Variants in SYTL3 observed in about 807,000 individuals in gnomAD.
SYTL3 encodes synaptotagmin like 3, also known as synaptotagmin-like protein 3.
SYTL3 carries 88 observed loss-of-function variants against 82.1 expected under a neutral mutation model. The observed-to-expected ratio is 1.07, with a 90% CI of 0.90 to 1.28. The LOEUF is 1.28. Ranked by LOEUF, SYTL3 falls within the 50% of genes most tolerant of loss-of-function variation. The probability of loss-of-function intolerance (pLI) is 0.00; values close to 1 mark genes in which losing one functional copy is unlikely to be tolerated. For missense variants in SYTL3, 831 were observed against 757.6 expected (o/e 1.10, Z -1.14); for synonymous variants, 311 against 289.4 (o/e 1.07, Z -0.76).
At chr6:158,645,679 A>G (rs1290106565), upstream of SYTL3, among the ~76,000 whole-genome samples, 1 of 152,118 alleles carries the variant, frequency 6.6e-6, no homozygotes, top group Non-Finnish European at 1.5e-5. Context: ...TCTCATCTGG[A>G]TTATGACCAT....
At chr6:158,684,518 G>C (rs994511372) in intron 6 of SYTL3, among the ~76,000 whole-genome samples, 4 of 152,190 alleles carry the variant, frequency 2.6e-5, no homozygotes, top group African/African-American at 9.6e-5. Flanking sequence ...GGCAGGTGCT[G>C]TGGGAACCAC....
At chr6:158,688,578 C>CAT (rs1336354087) in intron 6 of SYTL3, among the ~76,000 whole-genome samples, 3 of 151,990 alleles carry the variant, frequency 2.0e-5, no homozygotes, top group Admixed American at 2.0e-4. Flanking sequence ...GCCTGGGCAG[C>CAT]ATAGTGAGAT....
upstream of SYTL3, among the ~76,000 whole-genome samples, chr6:158,645,964 A>G (rs925975930): frequency 2.0e-5 from 3 of 152,144 alleles, no homozygotes; most frequent in Admixed American, 2.0e-4. Context: ...CATTTTCCTC[A>G]TAGCACTTCT....
chr6:158,708,392 G>T lies in SYTL3; in HGVS notation c.516+1G>T, dbSNP rs766689145. On this transcript the variant is annotated splice_donor_variant, in intron 8 of 17. Coordinates refer to ENST00000611299, the MANE Select transcript of SYTL3 (RefSeq NM_001242394.2). LOFTEE classifies it high-confidence loss of function. ...CCAGTGCAGCCGCAGTCCTGGCAGGGTAACGTATCCATTCTGGGCACTTCT... is the reference window on the plus strand; with the variant it reads ...CCAGTGCAGCCGCAGTCCTGGCAGGTTAACGTATCCATTCTGGGCACTTCT... 8.1e-6 allele frequency: 13 copies of T among 1,613,792 alleles called. No individual in the cohort carries two copies. Among genetic ancestry groups the T allele is most frequent in the Admixed American group, 6.7e-5 (4 of 59,986 alleles).
At chr6:158,701,671 G>A (rs1041345857) in intron 6 of SYTL3, among the ~76,000 whole-genome samples, 1 of 151,788 alleles carries the variant, frequency 6.6e-6, no homozygotes, top group African/African-American at 2.4e-5. Flanking sequence ...GGAGAGGCAG[G>A]TAGTCACTCA....
At chr6:158,744,496 T>A (rs1444441910) in intron 11 of SYTL3, among the ~76,000 whole-genome samples, 1 of 151,490 alleles carries the variant, frequency 6.6e-6, no homozygotes, top group East Asian at 1.9e-4. Context: ...TTTTTTTGTA[T>A]TTTTAGTAGA....
chr6:158,686,870 CTCCT>C (rs1779354876), intron 6 of SYTL3, among the ~76,000 whole-genome samples: 1 of 152,194 alleles, frequency 6.6e-6, no homozygotes, highest in South Asian at 2.1e-4. Flanking sequence ...CCCCTTCTCC[CTCCT>C]CCTGGCCCTG....
intron 6 of SYTL3, among the ~76,000 whole-genome samples, chr6:158,690,937 G>T (rs1272922869): frequency 6.6e-6 from 1 of 152,142 alleles, no homozygotes; most frequent in African/African-American, 2.4e-5. Flanking sequence ...CGTGCAGAGG[G>T]TTTTTAATGT....
intron 8 of SYTL3, among the ~76,000 whole-genome samples, chr6:158,713,176 T>C (rs1355342719): frequency 6.6e-6 from 1 of 152,076 alleles, no homozygotes; most frequent in Non-Finnish European, 1.5e-5. Context: ...GATGTATTTA[T>C]TGGACAGATG....
At chr6:158,754,828 C>T (rs1023427351) in intron 13 of SYTL3, among the ~76,000 whole-genome samples, 6 of 152,212 alleles carry the variant, frequency 3.9e-5, no homozygotes, top group African/African-American at 9.6e-5. Flanking sequence ...AGTGGCTGAG[C>T]GTCGCCCACA....
At chr6:158,701,347 G>C (rs950546065) in intron 6 of SYTL3, among the ~76,000 whole-genome samples, 16 of 124,236 alleles carry the variant, frequency 1.3e-4, no homozygotes, top group African/African-American at 5.0e-4. Context: ...CTGGGGTGTA[G>C]ATGAAGGAGT....
At chr6:158,738,524 C>T (rs1786500302) in intron 11 of SYTL3, among the ~76,000 whole-genome samples, 1 of 152,174 alleles carries the variant, frequency 6.6e-6, no homozygotes, top group Non-Finnish European at 1.5e-5. Context: ...ACTTGTCCTT[C>T]CTCTCTCTTA....
intron 6 of SYTL3, among the ~76,000 whole-genome samples, chr6:158,683,316 G>GT (rs960534281): frequency 4.7e-5 from 7 of 149,530 alleles, no homozygotes; most frequent in African/African-American, 1.7e-4. Context: ...CATCTCCTAG[G>GT]TTTAAACGAT....
At chr6:158,761,536 C>A (rs1003448788) in intron 15 of SYTL3, among the ~76,000 whole-genome samples, 51 of 152,030 alleles carry the variant, frequency 3.4e-4, no homozygotes, top group Non-Finnish European at 2.9e-4. Context: ...TCTCGATCTC[C>A]TGACCTCATG....
At chr6:158,666,432 G>A (rs1224693789) in intron 5 of SYTL3, among the ~76,000 whole-genome samples, 1 of 152,148 alleles carries the variant, frequency 6.6e-6, no homozygotes, top group Non-Finnish European at 1.5e-5. Flanking sequence ...TTCTGAAAAC[G>A]ATAAAGAGCC....
rs34593490 is a variant in SYTL3 at position 158,689,651 on chromosome 6, CT to C, written c.394+6676del. On this transcript the variant is annotated intron_variant, in intron 6 of 17. Transcript: ENST00000611299. ...TAATTTTCTTCTAATTTTTACTTAA[CT>C]TTTTTTTTTTTTTCCCCTTGAGACA... Among the ~76,000 whole-genome samples, 479 of 144,654 alleles carry C rather than the reference CT, an allele frequency of 3.3e-3. 3 individuals carry two copies. The highest frequency in any genetic ancestry group is 7.1e-3 in the African/African-American group (283 of 39,724). The allele number at this position is 144,654 out of a possible 152,430, so 94.9% of individuals were successfully genotyped here.
chr6:158,763,762 A>T (rs1315418058), intron 17 of SYTL3, among the ~76,000 whole-genome samples: 1 of 152,258 alleles, frequency 6.6e-6, no homozygotes, highest in Non-Finnish European at 1.5e-5. Flanking sequence ...CGGGCTAGGT[A>T]CAGTATTTGC....
chr6:158,672,503 C>T (rs1777505164), intron 5 of SYTL3, among the ~76,000 whole-genome samples: 1 of 147,674 alleles, frequency 6.8e-6, no homozygotes, highest in Non-Finnish European at 1.5e-5. Context: ...ATTTTTATTT[C>T]ATTGTTTATC....
chr6:158,662,053 G>C (rs575359683), intron 3 of SYTL3, among the ~76,000 whole-genome samples: 1 of 152,284 alleles, frequency 6.6e-6, no homozygotes, highest in Admixed American at 6.5e-5. Flanking sequence ...TAAAGGAAAT[G>C]CTACCTTAGA....
Sources: allele counts gnomAD v4.1 joint callset (sites outside exome capture counted in the v4.1 genomes callset), GRCh38; gene constraint gnomAD v4.1.1; transcripts MANE v1.5; gene names NCBI Gene and HGNC (gene_info 2026-07-23, HGNC 2026-07-21).